The following ANO1 variants were observed in gnomAD, a reference collection of about 807,000 sequenced individuals.
ANO1 encodes the protein anoctamin-1.
In ANO1, 59 loss-of-function variants were observed where a neutral mutation model predicts 124.0. The ratio of observed to expected loss-of-function variants is 0.48; its 90% CI spans 0.39 to 0.59. The LOEUF (loss-of-function observed/expected upper bound fraction) is 0.59, where lower values mean the gene tolerates loss of function less well. Among genes scored for constraint, ANO1 ranks in the 20% least tolerant of loss-of-function variants. The pLI, the probability that ANO1 is intolerant of heterozygous loss-of-function variation, is 0.00. For missense variants in ANO1, 1,059 were observed against 1,328.0 expected (o/e 0.80, Z 3.15); for synonymous variants, 529 against 532.0 (o/e 0.99, Z 0.08).
At chr11:70,113,122 G>A (rs1005774668) in intron 7 of ANO1, among the ~76,000 whole-genome samples, 13 of 134,528 alleles carry the variant, frequency 9.7e-5, no homozygotes, top group East Asian at 2.6e-4. Flanking sequence ...ACTCTTCCCC[G>A]CCCCACCCCA....
At chr11:70,066,665 C>A (rs1857729058) in intron 1 of ANO1, among the ~76,000 whole-genome samples, 1 of 152,174 alleles carries the variant, frequency 6.6e-6, no homozygotes, top group Non-Finnish European at 1.5e-5. Flanking sequence ...ACTTTGGCCT[C>A]CCTGAATGAC....
chr11:69,989,001 G>A (rs1282752509), intron 1 of ANO1, among the ~76,000 whole-genome samples: 4 of 151,514 alleles, frequency 2.6e-5, no homozygotes, highest in Non-Finnish European at 4.4e-5. Context: ...GGGAGGTAGG[G>A]AGGGACGGAG....
At position 70,078,746 on chromosome 11, in the gene ANO1, G is replaced by A. The variant is rs776171548; in HGVS notation, c.108+32G>A. 6 of 1,402,048 alleles carry A rather than the reference G, an allele frequency of 4.3e-6. No individual in the cohort carries two copies. The South Asian group carries it at 8.0e-5, about 19-fold the overall frequency. 86.9% of individuals were successfully genotyped at this position (1,402,048 alleles called of 1,614,324 possible). A position where few individuals can be genotyped will look rare whatever the true frequency, so the allele number is the denominator to read the frequency against. ...GCGGGCGGCCGCGACCCGGGCGGGA[G>A]GGCCGCGCACCTGCGCCTTGGCGAG... On this transcript the variant is annotated intron_variant, in intron 1 of 25. Transcript: ENST00000355303.
At chr11:70,160,781 T>C (rs10793022) in intron 16 of ANO1, among the ~76,000 whole-genome samples, 68,301 of 152,150 alleles carry the variant, frequency 0.45, 15,621 homozygotes, top group African/African-American at 0.56. Context: ...GCGGCCATAC[T>C]GTGTCCTGGG....
intron 6 of ANO1, among the ~76,000 whole-genome samples, chr11:70,109,780 C>T (rs1447931095): frequency 6.6e-6 from 1 of 152,158 alleles, no homozygotes; most frequent in Non-Finnish European, 1.5e-5. Context: ...GGCTGCATGG[C>T]CCAGGCTGAT....
rs1221435445 is a variant in ANO1, at chr11:69,993,728, TA to T, written c.58+7563del. Among the ~76,000 whole-genome samples the T allele has an allele frequency of 4.6e-5, 7 of 152,330 alleles. No homozygotes were observed. In the East Asian group the frequency reaches 1.4e-3, roughly 29 times the overall value. Reference sequence around the variant, plus strand: ...TTTCGAATCTGTCCACTGCTTTCCATATCTACAGACAAACAAGATGACTTCA... The same window carrying T: ...TTTCGAATCTGTCCACTGCTTTCCATTCTACAGACAAACAAGATGACTTCA... On this transcript the variant is annotated intron_variant, in intron 1 of 27. Transcript: ENST00000531349.
intron 4 of ANO1, 121 bp downstream of exon 4, chr11:70,104,271 T>TTTGTGG: frequency 1.6e-6 from 2 of 1,214,118 alleles, no homozygotes; most frequent in Non-Finnish European, 2.2e-6. Flanking sequence ...TTGTAAGAGC[T>TTTGTGG]TTGTGGTTGC....
At chr11:70,004,401 C>T (rs1856444607) in intron 1 of ANO1, among the ~76,000 whole-genome samples, 1 of 152,236 alleles carries the variant, frequency 6.6e-6, no homozygotes, top group Non-Finnish European at 1.5e-5. Flanking sequence ...TGCACTTTTA[C>T]AGGGACCATC....
chr11:70,065,706 T>A (rs1857699814), intron 1 of ANO1, among the ~76,000 whole-genome samples: 2 of 151,242 alleles, frequency 1.3e-5, no homozygotes, highest in South Asian at 4.2e-4. Flanking sequence ...AGCTGGAGGG[T>A]GCCCCAGCCT....
At chr11:70,151,968 C>T (rs2047617672) in intron 12 of ANO1, among the ~76,000 whole-genome samples, 1 of 152,170 alleles carries the variant, frequency 6.6e-6, no homozygotes, top group Non-Finnish European at 1.5e-5. Flanking sequence ...CAGCAGTAAA[C>T]CTTAAAGGAA....
chr11:69,978,717 C>T, the ANO1 span, among the ~76,000 whole-genome samples: 2 of 152,332 alleles, frequency 1.3e-5, no homozygotes, highest in East Asian at 3.9e-4. Flanking sequence ...TCTCTTGAGT[C>T]ATTCTCCCAT....
chr11:70,182,417 A>T (rs1029923551), intron 23 of ANO1, 85 bp from the exon 24 acceptor site: 9 of 1,185,416 alleles, frequency 7.6e-6, no homozygotes, highest in Non-Finnish European at 9.1e-6. Context: ...GGTCCAGTGT[A>T]ACTGTGGATG....
the ANO1 span, among the ~76,000 whole-genome samples, chr11:69,968,349 TG>T: frequency 6.6e-6 from 1 of 152,260 alleles, no homozygotes; most frequent in African/African-American, 2.4e-5. Flanking sequence ...CCTCTGCCTC[TG>T]GGGCCCTCTG....
At chr11:70,125,845 AAAAAAAAC>A (rs2046487947) in intron 9 of ANO1, among the ~76,000 whole-genome samples, 1 of 116,006 alleles carries the variant, frequency 8.6e-6, no homozygotes, top group African/African-American at 3.0e-5. Context: ...CTCCATCTCA[AAAAAAAAC>A]AAAAAAAGAG....
At chr11:70,153,270 G>A (rs753769096) in intron 14 of ANO1, 142 bp downstream of exon 14, 21 of 727,432 alleles carry the variant, frequency 2.9e-5, no homozygotes, top group Admixed American at 2.0e-4. Context: ...CCATGGTAGC[G>A]GCAAAAGGAG....
intron 1 of ANO1, among the ~76,000 whole-genome samples, chr11:70,043,994 G>A (rs1857219972): frequency 6.9e-6 from 1 of 144,224 alleles, no homozygotes; most frequent in Admixed American, 6.8e-5. Flanking sequence ...AATAATAACT[G>A]TATTATAGCA....
Position 70,180,324 on chromosome 11 carries a change from G to A in ANO1, c.2403+268G>A, listed in dbSNP as rs747343071. On this transcript the variant is annotated intron_variant, in intron 23 of 25. Coordinates refer to ENST00000355303, the MANE Select transcript of ANO1 (RefSeq NM_018043.7). ...GTTTCACTCTGTGGTCCAGGCTGCAGTACAGTGGCACGATCTCAGCTCCCT... is the reference window on the plus strand; with the variant it reads ...GTTTCACTCTGTGGTCCAGGCTGCAATACAGTGGCACGATCTCAGCTCCCT... Among the ~76,000 whole-genome samples, 60 of 151,946 alleles carry A rather than the reference G, an allele frequency of 3.9e-4. 1 individual carries two copies. Among genetic ancestry groups the A allele is most frequent in the Non-Finnish European group, 2.2e-4 (15 of 68,002 alleles).
At chr11:69,990,477 T>C (rs1455560993) in intron 1 of ANO1, among the ~76,000 whole-genome samples, 3 of 152,220 alleles carry the variant, frequency 2.0e-5, no homozygotes, top group Non-Finnish European at 2.9e-5. Flanking sequence ...TCTGTTTGAG[T>C]TCCTATTGTC....
At chr11:70,036,444 G>A (rs1267874790) in intron 1 of ANO1, among the ~76,000 whole-genome samples, 3 of 152,174 alleles carry the variant, frequency 2.0e-5, no homozygotes, top group African/African-American at 7.2e-5. Flanking sequence ...CTGAGGTTAG[G>A]GCATAGGCTC....
Sources: gnomAD v4.1 joint callset for allele counts (sites outside exome capture counted in the v4.1 genomes callset) on GRCh38, gnomAD v4.1.1 for gene constraint, MANE v1.5 for transcripts, NCBI Gene and HGNC (gene_info 2026-07-23, HGNC 2026-07-21) for gene names.